Variants in TENM2 observed in about 807,000 individuals in gnomAD.
The protein encoded by TENM2 is teneurin-2.
In TENM2, 52 loss-of-function variants were observed where a neutral mutation model predicts 245.2. The observed-to-expected ratio is 0.21, with a 90% CI of 0.17 to 0.27. The LOEUF (loss-of-function observed/expected upper bound fraction) is 0.27, where lower values mean the gene tolerates loss of function less well. TENM2 is among the 10% of genes least tolerant of loss of function. The probability of loss-of-function intolerance (pLI) is 1.00; values close to 1 mark genes in which losing one functional copy is unlikely to be tolerated. For missense variants in TENM2, 3,046 were observed against 3,666.8 expected, an observed-to-expected ratio of 0.83 and a Z score of 4.37; for synonymous variants, 1,363 against 1,438.9, an observed-to-expected ratio of 0.95 and a Z score of 1.19.
intron 11 of TENM2, 111 bp from the exon 14 acceptor site, chr5:168,126,643 C>G: frequency 1.3e-6 from 1 of 760,538 alleles, no homozygotes; most frequent in Non-Finnish European, 2.1e-6. Flanking sequence ...GATGACAGAG[C>G]TGCTGGGCCT....
chr5:168,197,422 C>A (rs1478696557), intron 15 of TENM2, among the ~76,000 whole-genome samples: 1 of 152,096 alleles, frequency 6.6e-6, no homozygotes, highest in Non-Finnish European at 1.5e-5. Context: ...ATTCTAAGGC[C>A]AGGTGCAGTG....
At chr5:168,124,314 G>A (rs1026317607) in intron 10 of TENM2, among the ~76,000 whole-genome samples, 2 of 152,332 alleles carry the variant, frequency 1.3e-5, no homozygotes, top group Middle Eastern at 3.4e-3. Context: ...TAGCCTAAGT[G>A]AAACCTCATT....
At chr5:167,270,529 C>T in the TENM2 span, among the ~76,000 whole-genome samples, 74 of 152,046 alleles carry the variant, frequency 4.9e-4, no homozygotes, top group African/African-American at 1.4e-3. Context: ...TCATCATGAT[C>T]TCTCTCTCCT....
intron 2 of TENM2, among the ~76,000 whole-genome samples, chr5:167,734,500 AAAT>A (rs901081874): frequency 1.8e-4 from 27 of 148,474 alleles, no homozygotes; most frequent in African/African-American, 5.9e-4. Context: ...TATTATATAT[AAAT>A]AATATATAAT....
intron 1 of TENM2, among the ~76,000 whole-genome samples, chr5:167,337,943 G>A (rs1307775802): frequency 6.6e-6 from 1 of 152,100 alleles, no homozygotes; most frequent in East Asian, 1.9e-4. Flanking sequence ...TGTTAAACAA[G>A]GTTAGGTAAA....
intron 12 of TENM2, among the ~76,000 whole-genome samples, chr5:168,133,475 G>A (rs1390871347): frequency 1.3e-5 from 2 of 152,192 alleles, no homozygotes; most frequent in Admixed American, 6.5e-5. Flanking sequence ...ATATGAATGG[G>A]TTATTCTAAT....
At chr5:167,330,585 A>G (rs1757381156) in intron 1 of TENM2, among the ~76,000 whole-genome samples, 1 of 152,222 alleles carries the variant, frequency 6.6e-6, no homozygotes, top group Non-Finnish European at 1.5e-5. Context: ...ACTCATGAGT[A>G]TCCAGTGCTT....
At chr5:167,650,235 C>T (rs1754361952) in intron 2 of TENM2, among the ~76,000 whole-genome samples, 1 of 152,112 alleles carries the variant, frequency 6.6e-6, no homozygotes, top group African/African-American at 2.4e-5. Flanking sequence ...TGCTGTGGTC[C>T]CTTCCTCATT....
intron 2 of TENM2, among the ~76,000 whole-genome samples, chr5:167,854,386 A>T (rs1349621461): frequency 6.6e-6 from 1 of 152,300 alleles, no homozygotes; most frequent in South Asian, 2.1e-4. Flanking sequence ...CTATCCCTGT[A>T]TATGTTGAGC....
chr5:168,149,133 G>A (rs949480756), intron 12 of TENM2, among the ~76,000 whole-genome samples: 1 of 152,160 alleles, frequency 6.6e-6, no homozygotes. Context: ...GCTGTGTTAA[G>A]AAAGGCGAGG....
intron 5 of TENM2, among the ~76,000 whole-genome samples, chr5:168,004,056 T>A (rs1372095605): frequency 6.6e-6 from 1 of 152,196 alleles, no homozygotes; most frequent in Non-Finnish European, 1.5e-5. Context: ...CCAGAGACCA[T>A]AGCAAGTTGG....
intron 2 of TENM2, among the ~76,000 whole-genome samples, chr5:167,718,395 T>G (rs1759407698): frequency 6.6e-6 from 1 of 152,060 alleles, no homozygotes; most frequent in African/African-American, 2.4e-5. Flanking sequence ...AACTTCCCTG[T>G]AGCTCAGTGT....
chr5:168,150,448 G>A (rs1395118065), intron 12 of TENM2, among the ~76,000 whole-genome samples: 2 of 152,208 alleles, frequency 1.3e-5, no homozygotes, highest in African/African-American at 4.8e-5. Context: ...ACTCAGGCAG[G>A]ACGCCATGCG....
At chr5:166,981,628 A>G in the TENM2 span, among the ~76,000 whole-genome samples, 2 of 152,198 alleles carry the variant, frequency 1.3e-5, no homozygotes, top group African/African-American at 2.4e-5. Context: ...TCGTGGGGCA[A>G]GATTTCTAAT....
intron 4 of TENM2, among the ~76,000 whole-genome samples, chr5:167,970,443 G>T (rs80084720): frequency 6.6e-6 from 1 of 152,200 alleles, no homozygotes; most frequent in Non-Finnish European, 1.5e-5. Context: ...GAGGGCTCAT[G>T]ATGAGAAAGT....
intron 3 of TENM2, among the ~76,000 whole-genome samples, chr5:167,927,417 A>C (rs1167822167): frequency 1.3e-5 from 2 of 152,176 alleles, no homozygotes; most frequent in Non-Finnish European, 2.9e-5. Context: ...TGTCAGCCAC[A>C]TGTGATTCTG....
intron 3 of TENM2, among the ~76,000 whole-genome samples, chr5:167,911,401 C>T (rs1284599797): frequency 6.6e-6 from 1 of 152,154 alleles, no homozygotes; most frequent in Non-Finnish European, 1.5e-5. Context: ...GTGGCGGGCG[C>T]CTGTAGTCCC....
intron 2 of TENM2, among the ~76,000 whole-genome samples, chr5:167,528,801 A>T (rs77517057): frequency 0.017 from 2,526 of 152,266 alleles, 68 homozygotes; most frequent in South Asian, 0.081. Flanking sequence ...ATGAATTCCC[A>T]TAACCTCTTC....
the TENM2 span, among the ~76,000 whole-genome samples, chr5:167,054,527 AACTCCGTTGAATAAGT>A: frequency 6.6e-6 from 1 of 152,238 alleles, no homozygotes; most frequent in East Asian, 1.9e-4. Flanking sequence ...ATAAGTTTTT[AACTCCGTTGAATAAGT>A]ACCAAGGAGT....
Sources: allele counts gnomAD v4.1 joint callset (sites outside exome capture counted in the v4.1 genomes callset), GRCh38; gene constraint gnomAD v4.1.1; transcripts MANE v1.5; gene names NCBI Gene and HGNC (gene_info 2026-07-23, HGNC 2026-07-21).